PRRC2B: variants seen among roughly 807,000 people sequenced by gnomAD.
The protein encoded by PRRC2B is proline rich coiled-coil 2B, also known as protein PRRC2B.
In PRRC2B, 68 loss-of-function variants were observed where a neutral mutation model predicts 242.3. The ratio of observed to expected loss-of-function variants is 0.28; its 90% CI spans 0.23 to 0.34. The LOEUF (loss-of-function observed/expected upper bound fraction) is 0.34, where lower values mean the gene tolerates loss of function less well. Ranked by LOEUF, PRRC2B falls within the 10% of genes least tolerant of loss-of-function variation. The pLI is 1.00. For missense variants in PRRC2B, 2,835 were observed against 2,954.8 expected (o/e 0.96, Z 0.94); for synonymous variants, 1,228 against 1,173.6 (o/e 1.05, Z -0.95).
chr9:131,413,269 A>G (rs1204843030), intron 1 of PRRC2B, among the ~76,000 whole-genome samples: 1 of 152,130 alleles, frequency 6.6e-6, no homozygotes, highest in Non-Finnish European at 1.5e-5. Flanking sequence ...GCCTCTTTTA[A>G]AAAGTTCTAA....
In PRRC2B at chr9:131,475,767, G is replaced by A. The variant is rs950020400; in HGVS notation, c.3638G>A (p.Gly1213Glu). 3.7e-6 allele frequency: 6 copies of A among 1,613,594 alleles called. No homozygotes were observed. The highest frequency in any genetic ancestry group is 5.1e-6 in the Non-Finnish European group (6 of 1,179,748). ...CTCCCTCCCCGGCTGAGCAATTGCG[G>A]GTATGGACGGAGAACCTTCGTCTCC... ...RALPPRLSNC[G>E]YGRRTFVSKE... is the part of the protein sequence containing the mutation. Residue 1213 changes from glycine (G) to glutamate (E), a missense_variant, in exon 16 of 32, where the codon GGG becomes GAG. Gly to Glu is a moderately conservative substitution (Grantham distance 98). Around this residue, in one of 7 missense-constraint regions of PRRC2B, gnomAD observed 1,536 missense variants for 1,483.1 expected, o/e 1.04. Coordinates refer to ENST00000683519, the MANE Select transcript of PRRC2B (RefSeq NM_013318.4).
chr9:131,486,170 G>C lies in PRRC2B; in HGVS notation c.5844G>C (p.Gln1948His), dbSNP rs1309887063. The C allele has an allele frequency of 4.3e-6, 7 of 1,610,470 alleles. No individual in the cohort carries two copies. Among genetic ancestry groups the C allele is most frequent in the Non-Finnish European group, 5.9e-6 (7 of 1,177,992 alleles). Residue 1948 changes from glutamine to histidine, a missense_variant, in exon 26 of 32, where the codon CAG (glutamine) becomes CAC (histidine). Transcript: ENST00000683519. Reference sequence around the variant, plus strand: ...TTCCTCAAACGATACCTCAGCAGCAGAGTTACCAACAGGTGACAGCAGCTA... The same window carrying C: ...TTCCTCAAACGATACCTCAGCAGCACAGTTACCAACAGGTGACAGCAGCTA... ...RLVPQTIPQQQSYQQAAAAQQ... is the reference protein window; with the variant it reads ...RLVPQTIPQQHSYQQAAAAQQ...
chr9:131,456,327 C>G (rs1943075688), intron 10 of PRRC2B, among the ~76,000 whole-genome samples: 1 of 150,482 alleles, frequency 6.6e-6, no homozygotes, highest in African/African-American at 2.4e-5. Context: ...GTTAGTAGCA[C>G]TTTTAAAATA....
intron 1 of PRRC2B, among the ~76,000 whole-genome samples, chr9:131,420,481 C>CTTTTCTTTCTTTCT (rs1221749153): frequency 3.7e-4 from 5 of 13,418 alleles, no homozygotes; most frequent in African/African-American, 9.4e-4. Flanking sequence ...TTCTTTCTTT[C>CTTTTCTTTCTTTCT]TTTCTTTCTT....
At chr9:131,397,313 C>G (rs914708103) in intron 1 of PRRC2B, among the ~76,000 whole-genome samples, 3 of 152,204 alleles carry the variant, frequency 2.0e-5, no homozygotes, top group Admixed American at 6.5e-5. Context: ...GTACAGTGGC[C>G]GTCTCCAGCC....
At chr9:131,393,669 G>C (rs1197008229), upstream of PRRC2B, among the ~76,000 whole-genome samples, 1 of 152,104 alleles carries the variant, frequency 6.6e-6, no homozygotes, top group Admixed American at 6.5e-5. Flanking sequence ...CGGAGATCCG[G>C]GCTCGCTCCC....
Position 131,455,080 on chromosome 9 carries a change from C to T in PRRC2B, c.1125C>T (p.Leu375=), listed in dbSNP as rs1943034161. The change falls in exon 10 of 32, where the codon CTC becomes CTT. Residue 375 remains leucine, a synonymous_variant. Coordinates refer to ENST00000683519, the MANE Select transcript of PRRC2B (RefSeq NM_013318.4). ...DADADDGWAG[L]HEEVDYSEKL... ...TGGGCCCTCCTGCTGTTGTAGGCCT[C>T]CATGAAGAAGTGGACTATTCTGAGA... 6.2e-7 allele frequency: 1 copy of T among 1,612,680 alleles called. No individual in the cohort carries two copies. The highest frequency in any genetic ancestry group is 1.3e-5 in the African/African-American group (1 of 74,882).
Position 131,492,243 on chromosome 9 carries a change from A to T in PRRC2B, c.6456A>T (p.Pro2152=), listed in dbSNP as rs1365744875. The stretch of plus-strand genomic sequence containing the variant: ...ATGTCCCTTCAGGAGGCCCCGTGCC[A>T]TCGCCACAGACCTACAGGTAAAGCC... The part of the protein sequence containing the change: ...KQNVPSGGPV[P]SPQTYRPSSA... Residue 2152 remains proline, a synonymous_variant, in exon 30 of 32, where the codon CCA becomes CCT. Transcript: ENST00000683519. The T allele has an allele frequency of 6.2e-7, 1 of 1,613,654 alleles. No individual in the cohort carries two copies. The highest frequency in any genetic ancestry group is 8.5e-7 in the Non-Finnish European group (1 of 1,179,782).
chr9:131,405,037 A>G (rs1837327697), intron 1 of PRRC2B, among the ~76,000 whole-genome samples: 1 of 152,214 alleles, frequency 6.6e-6, no homozygotes, highest in Non-Finnish European at 1.5e-5. Flanking sequence ...ATGTTTCTGG[A>G]CTATGGGCTT....
intron 14 of PRRC2B, among the ~76,000 whole-genome samples, chr9:131,471,577 C>A (rs1002511088): frequency 2.0e-5 from 3 of 152,174 alleles, no homozygotes; most frequent in Non-Finnish European, 2.9e-5. Context: ...GTCTTTTAGG[C>A]CTTGATCAGC....
chr9:131,486,614 T>C (rs1944032003), intron 26 of PRRC2B: 1 of 875,212 alleles, frequency 1.1e-6, no homozygotes, highest in Non-Finnish European at 1.4e-6. Context: ...CAAGGGGTGA[T>C]TTTTGGAAGT....
intron 11 of PRRC2B, among the ~76,000 whole-genome samples, chr9:131,461,382 A>G (rs1377353528): frequency 6.6e-6 from 1 of 152,084 alleles, no homozygotes; most frequent in African/African-American, 2.4e-5. Flanking sequence ...TTTGGAGTGC[A>G]GTCAGCCGCC....
Position 131,482,883 on chromosome 9 carries a change from C to A in PRRC2B, c.5349C>A (p.Pro1783=). ...TGGACTCCGTGCTGCCTGTGCCACC[C>A]ATTGAATTTGGAGTCAGTCCAAAAG... is the stretch of plus-strand genomic sequence containing the variant. The part of the protein sequence containing the change: ...IHVDSVLPVP[P]IEFGVSPKDS... Residue 1783 remains proline, a synonymous_variant, in exon 22 of 32, where the codon CCC becomes CCA. Coordinates refer to ENST00000683519, the MANE Select transcript of PRRC2B (RefSeq NM_013318.4). The surrounding 1 kb of genome is among the most constrained non-coding windows in gnomAD (Gnocchi z 5.2). 2 of 1,607,678 alleles carry A rather than the reference C, an allele frequency of 1.2e-6. No individual in the cohort carries two copies. Among genetic ancestry groups the A allele is most frequent in the East Asian group, 2.2e-5 (1 of 44,658 alleles).
At chr9:131,379,228 A>G (rs1353783259) in intron 1 of PRRC2B, among the ~76,000 whole-genome samples, 1 of 152,166 alleles carries the variant, frequency 6.6e-6, no homozygotes, top group Admixed American at 6.6e-5. Flanking sequence ...GCCTTTGGCT[A>G]TTGTGAATAA....
chr9:131,455,424 ACGTCTTCATGGATTGCTTG>A (rs1943042368), intron 10 of PRRC2B, among the ~76,000 whole-genome samples: 2 of 151,548 alleles, frequency 1.3e-5, no homozygotes, highest in Admixed American at 1.3e-4. Context: ...TATGCAGACC[ACGTCTTCATGGATTGCTTG>A]TGGCTGTCGT....
At chr9:131,428,421 T>C (rs1374193451) in intron 1 of PRRC2B, among the ~76,000 whole-genome samples, 1 of 150,528 alleles carries the variant, frequency 6.6e-6, no homozygotes, top group East Asian at 2.0e-4. Context: ...TTTTGAGATG[T>C]AGTCTCCCTC....
chr9:131,401,163 T>C lies in PRRC2B; in HGVS notation c.-52+6900T>C, dbSNP rs530956096. Among the ~76,000 whole-genome samples the C allele has an allele frequency of 1.5e-4, 23 of 152,188 alleles. 1 individual carries two copies. The East Asian group carries it at 4.3e-3, about 28-fold the overall frequency. On this transcript the variant is annotated intron_variant, in intron 1 of 31. Transcript: ENST00000683519. Reference sequence around the variant, plus strand: ...TTGTAAATAGGTGTTTTTTTCTTTATTTGAATTTTAAAAATTGTGGTGAAG... The same window carrying C: ...TTGTAAATAGGTGTTTTTTTCTTTACTTGAATTTTAAAAATTGTGGTGAAG...
chr9:131,474,224 G>A lies in PRRC2B; in HGVS notation c.2325-230G>A, dbSNP rs74587598. 7.2e-3 allele frequency among the ~76,000 whole-genome samples: 1,097 copies of A among 152,244 alleles called. 18 individuals are homozygous for A. Among genetic ancestry groups the A allele is most frequent in the African/African-American group, 0.025 (1,032 of 41,552 alleles). On this transcript the variant is annotated intron_variant, in intron 15 of 31. Coordinates refer to ENST00000683519, the MANE Select transcript of PRRC2B (RefSeq NM_013318.4). ...ACTCTCAAGGACTCCAGGGGCCACC[G>A]ACCAATTCATGGCCTGGCATTTCTG...
intron 1 of PRRC2B, among the ~76,000 whole-genome samples, chr9:131,381,847 C>G (rs1233301792): frequency 6.6e-6 from 1 of 151,896 alleles, no homozygotes; most frequent in East Asian, 1.9e-4. Flanking sequence ...TCAAGCGATT[C>G]TTGTGCCTCA....
Sources: allele counts gnomAD v4.1 joint callset (sites outside exome capture counted in the v4.1 genomes callset), GRCh38; gene constraint gnomAD v4.1.1; regional missense constraint gnomAD v4.1.1; non-coding constraint Gnocchi (gnomAD v3.1); transcripts MANE v1.5; gene names NCBI Gene and HGNC (gene_info 2026-07-23, HGNC 2026-07-21).